Variants in NTNG1 observed in about 807,000 individuals in gnomAD.
The protein encoded by NTNG1 is netrin-G1.
A neutral mutation model predicts 54.0 loss-of-function variants in NTNG1; 16 were observed. The ratio of observed to expected loss-of-function variants is 0.30; its 90% CI spans 0.20 to 0.45. The LOEUF (loss-of-function observed/expected upper bound fraction) is 0.45, where lower values mean the gene tolerates loss of function less well. Among genes scored for constraint, NTNG1 ranks in the 20% least tolerant of loss-of-function variants. The pLI is 1.00. For synonymous variants in NTNG1, 255 were observed against 263.1 expected, an observed-to-expected ratio of 0.97 and a Z score of 0.30; for missense variants, 530 against 678.7, an observed-to-expected ratio of 0.78 and a Z score of 2.43.
intron 2 of NTNG1, among the ~76,000 whole-genome samples, chr1:107,296,631 A>C (rs1237908856): frequency 6.8e-6 from 1 of 147,856 alleles, no homozygotes; most frequent in African/African-American, 2.5e-5. Flanking sequence ...TATTTCTATG[A>C]ATATATGAAA....
Position 107,416,503 on chromosome 1 carries a change from A to G in NTNG1, c.1087+8795A>G, listed in dbSNP as rs184599306. ...ATTTGAAAGCAGAATGGCCTACATT[A>G]ATTTTTTAAATACATATAAGAAGAT... On this transcript the variant is annotated intron_variant, in intron 5 of 7. Transcript: ENST00000370068. 9.9e-5 allele frequency among the ~76,000 whole-genome samples: 15 copies of G among 152,178 alleles called. No homozygotes were observed. The East Asian group carries it at 2.9e-3, about 29-fold the overall frequency.
intron 7 of NTNG1, among the ~76,000 whole-genome samples, chr1:107,470,276 A>G (rs1677895919): frequency 6.6e-6 from 1 of 152,260 alleles, no homozygotes; most frequent in Non-Finnish European, 1.5e-5. Context: ...TTTATTATCT[A>G]AGTAAAAGAC....
intron 2 of NTNG1, among the ~76,000 whole-genome samples, chr1:107,295,251 C>CTTTTT (rs1416183107): frequency 1.2e-3 from 182 of 152,236 alleles, no homozygotes; most frequent in Middle Eastern, 3.4e-3. Flanking sequence ...TTGTGGTTCC[C>CTTTTT]TTTAGATGTG....
intron 2 of NTNG1, among the ~76,000 whole-genome samples, chr1:107,291,239 T>C (rs1413664381): frequency 6.6e-6 from 1 of 152,078 alleles, no homozygotes; most frequent in Non-Finnish European, 1.5e-5. Flanking sequence ...CTCTTCTTTA[T>C]GATTTTCTTA....
chr1:107,239,690 A>G (rs776506912), intron 2 of NTNG1, among the ~76,000 whole-genome samples: 5 of 152,214 alleles, frequency 3.3e-5, no homozygotes, highest in Non-Finnish European at 2.9e-5. Context: ...GTTATACTAA[A>G]GAGAGAACAA....
At chr1:107,465,323 A>C (rs1677532375) in intron 7 of NTNG1, among the ~76,000 whole-genome samples, 1 of 152,230 alleles carries the variant, frequency 6.6e-6, no homozygotes, top group Non-Finnish European at 1.5e-5. Context: ...ACCTTTAAGG[A>C]ATAGTGCTTA....
Position 107,376,560 on chromosome 1 carries a change from T to C in NTNG1, c.888-18594T>C, listed in dbSNP as rs546152635. ...CAATCAGGAAACCCTGTGAGGAGCC[T>C]GAGATCCTACCCACTCTGCCGTGCC... is the stretch of plus-strand genomic sequence containing the variant. On this transcript the variant is annotated intron_variant, in intron 3 of 7. Coordinates refer to ENST00000370068, the MANE Select transcript of NTNG1 (RefSeq NM_001113226.3). Among the ~76,000 whole-genome samples, 7 of 152,304 alleles carry C rather than the reference T, an allele frequency of 4.6e-5. No homozygotes were observed. In the East Asian group the frequency reaches 1.4e-3, roughly 29 times the overall value.
chr1:107,344,544 G>A (rs1484796869), intron 3 of NTNG1, among the ~76,000 whole-genome samples: 3 of 152,104 alleles, frequency 2.0e-5, no homozygotes, highest in Non-Finnish European at 4.4e-5. Context: ...ACACACACCA[G>A]CAGGGAGGGG....
At chr1:107,418,001 C>T (rs1163548400) in intron 5 of NTNG1, among the ~76,000 whole-genome samples, 1 of 152,018 alleles carries the variant, frequency 6.6e-6, no homozygotes, top group African/African-American at 2.4e-5. Context: ...ACCTTAAATA[C>T]AACTGGAAGC....
intron 2 of NTNG1, among the ~76,000 whole-genome samples, chr1:107,239,346 C>T (rs968422486): frequency 6.6e-6 from 1 of 152,132 alleles, no homozygotes; most frequent in Non-Finnish European, 1.5e-5. Context: ...CAAAGACAAA[C>T]AGTAGATTGG....
chr1:107,327,231 A>C (rs778091798), intron 3 of NTNG1, among the ~76,000 whole-genome samples: 4 of 152,172 alleles, frequency 2.6e-5, no homozygotes, highest in African/African-American at 4.8e-5. Context: ...CATGTACTGC[A>C]CTAGGCACCA....
At chr1:107,344,125 C>T (rs1669080881) in intron 3 of NTNG1, among the ~76,000 whole-genome samples, 1 of 151,946 alleles carries the variant, frequency 6.6e-6, no homozygotes, top group Non-Finnish European at 1.5e-5. Context: ...TCCCAGAACG[C>T]CACTTTAATT....
At chr1:107,160,117 A>G (rs138976897) in intron 2 of NTNG1, among the ~76,000 whole-genome samples, 6 of 152,288 alleles carry the variant, frequency 3.9e-5, no homozygotes, top group African/African-American at 1.2e-4. Context: ...GTTATCATAT[A>G]GCCAACTGCC....
At chr1:107,281,121 G>A (rs889455542) in intron 2 of NTNG1, among the ~76,000 whole-genome samples, 2 of 152,026 alleles carry the variant, frequency 1.3e-5, no homozygotes, top group African/African-American at 4.8e-5. Context: ...TCTGGTGACT[G>A]CATTTCTGTT....
Position 107,342,809 on chromosome 1 carries a change from G to C in NTNG1, c.887+17887G>C, listed in dbSNP as rs557238486. 9.2e-5 allele frequency among the ~76,000 whole-genome samples: 14 copies of C among 152,110 alleles called. No homozygotes were observed. The South Asian group carries it at 2.9e-3, about 32-fold the overall frequency. ...TCCTATAGAGGTGTCATACCACAGA[G>C]ACCTACAGTGTTCTAAAATTGTGTT... On this transcript the variant is annotated intron_variant, in intron 3 of 7. Coordinates refer to ENST00000370068, the MANE Select transcript of NTNG1 (RefSeq NM_001113226.3).
In NTNG1 at chr1:107,182,450, C is replaced by T. The variant is rs1657141387; in HGVS notation, c.246+33611C>T. 2.0e-5 allele frequency among the ~76,000 whole-genome samples: 3 copies of T among 152,120 alleles called. No homozygotes were observed. In the South Asian group the frequency reaches 6.2e-4, roughly 32 times the overall value. Reference sequence around the variant, plus strand: ...GATTATACTTTATTGTAAACATCAGCTCATCATTATTAAAAAGTCATTGAT... The same window carrying T: ...GATTATACTTTATTGTAAACATCAGTTCATCATTATTAAAAAGTCATTGAT... On this transcript the variant is annotated intron_variant, in intron 2 of 7. Transcript: ENST00000370068.
At chr1:107,406,087 GA>G in intron 4 of NTNG1, among the ~76,000 whole-genome samples, 1 of 152,072 alleles carries the variant, frequency 6.6e-6, no homozygotes, top group Non-Finnish European at 1.5e-5. Flanking sequence ...TTAAAATCAA[GA>G]TATTTTTTGT....
intron 3 of NTNG1, among the ~76,000 whole-genome samples, chr1:107,394,934 T>G (rs1320847030): frequency 1.3e-5 from 2 of 152,132 alleles, no homozygotes; most frequent in South Asian, 2.1e-4. Flanking sequence ...GCTTTCTCAA[T>G]GTACAGTGTA....
chr1:107,175,518 G>A (rs1656580007), intron 2 of NTNG1, among the ~76,000 whole-genome samples: 1 of 151,968 alleles, frequency 6.6e-6, no homozygotes, highest in African/African-American at 2.4e-5. Flanking sequence ...GGCAATCAAT[G>A]TTCATAGCCC....
Sources: allele counts gnomAD v4.1 joint callset (sites outside exome capture counted in the v4.1 genomes callset), GRCh38; gene constraint gnomAD v4.1.1; transcripts MANE v1.5; gene names NCBI Gene and HGNC (gene_info 2026-07-23, HGNC 2026-07-21).